MTERF3: variants seen among roughly 807,000 people sequenced by gnomAD.
The protein encoded by MTERF3 is transcription termination factor 3, mitochondrial.
In MTERF3, 40 loss-of-function variants were observed where a neutral mutation model predicts 40.5. The observed-to-expected ratio is 0.99, with a 90% CI of 0.77 to 1.29. The LOEUF (loss-of-function observed/expected upper bound fraction) is 1.29. MTERF3 is among the 50% of genes most tolerant of loss of function. The pLI is 0.00. For synonymous variants in MTERF3, 158 were observed against 166.6 expected (o/e 0.95, Z 0.40); for missense variants, 452 against 478.2 (o/e 0.95, Z 0.51).
chr8:96,256,828 T>C, intron 3 of MTERF3, 134 bp downstream of exon 3: 1 of 682,666 alleles, frequency 1.5e-6, no homozygotes, highest in Non-Finnish European at 2.1e-6. Context: ...GGTTTCTCAC[T>C]AGAAGCCTTT....
At chr8:96,251,165 A>C in intron 3 of MTERF3, 70 bp from the exon 4 acceptor site, 1 of 1,213,322 alleles carries the variant, frequency 8.2e-7, no homozygotes. Context: ...ATACATAAGC[A>C]CAAGAAATTA....
intron 1 of MTERF3, among the ~76,000 whole-genome samples, 172 bp downstream of exon 1, chr8:96,261,329 G>T (rs1165954497): frequency 6.6e-6 from 1 of 152,232 alleles, no homozygotes; most frequent in African/African-American, 2.4e-5. Flanking sequence ...GCATGGTTGA[G>T]TTTTCACTAC....
At chr8:96,239,795 A>G (rs1266819273) in intron 7 of MTERF3, 110 bp from the exon 8 acceptor site, 2 of 761,878 alleles carry the variant, frequency 2.6e-6, no homozygotes, top group Non-Finnish European at 4.5e-6. Flanking sequence ...AGTACTGACC[A>G]TGTGTTCAGT....
At chr8:96,241,540 G>A (rs551318058) in intron 7 of MTERF3, among the ~76,000 whole-genome samples, 6 of 152,194 alleles carry the variant, frequency 3.9e-5, no homozygotes, top group African/African-American at 1.4e-4. Context: ...CATTTATTTA[G>A]CTTATGAGCA....
At chr8:96,260,964 C>G (rs1389598740) in intron 1 of MTERF3, among the ~76,000 whole-genome samples, 1 of 152,190 alleles carries the variant, frequency 6.6e-6, no homozygotes, top group East Asian at 1.9e-4. Flanking sequence ...AGGGGATGTG[C>G]AGATGTGTAT....
At chr8:96,257,622 T>C (rs1210891248) in intron 2 of MTERF3, among the ~76,000 whole-genome samples, 1 of 152,218 alleles carries the variant, frequency 6.6e-6, no homozygotes, top group Non-Finnish European at 1.5e-5. Flanking sequence ...ACAGGAGATG[T>C]GACTCTCTAG....
chr8:96,247,654 A>G (rs935801842), intron 4 of MTERF3, among the ~76,000 whole-genome samples: 1 of 152,164 alleles, frequency 6.6e-6, no homozygotes, highest in Non-Finnish European at 1.5e-5. Flanking sequence ...TTTTTATACT[A>G]TATACCAAAA....
In MTERF3 at chr8:96,251,004, C is replaced by A. The variant is rs749577980; in HGVS notation, c.579G>T (p.Leu193=). The A allele has an allele frequency of 6.2e-7, 1 of 1,605,582 alleles. No individual in the cohort carries two copies. Among genetic ancestry groups the A allele is most frequent in the South Asian group, 1.1e-5 (1 of 88,692 alleles). Residue 193 remains leucine (L), a synonymous_variant, in exon 4 of 8, where the codon CTG becomes CTT. Transcript: ENST00000287025. ...CCTCTATACCCACATCTTTAAGAAACAGAAGCATTTGCTTAATGTCTTTTT... is the reference window on the plus strand; with the variant it reads ...CCTCTATACCCACATCTTTAAGAAAAAGAAGCATTTGCTTAATGTCTTTTT... ...DFEKDIKQML[L]FLKDVGIEDN...
rs1809877151 is a variant in MTERF3, at chr8:96,239,425, A to AT, written c.*65_*66insA. On this transcript the variant is annotated 3_prime_UTR_variant, in exon 8 of 8. Coordinates refer to ENST00000287025, the MANE Select transcript of MTERF3 (RefSeq NM_015942.5). ...TATCAGTTGAGACCCGAGGCATTTA[A>AT]AAATATATTCATTTATTCATATATA... 8.0e-7 allele frequency: 1 copy of AT among 1,248,306 alleles called. No homozygotes were observed. 77.3% of individuals were successfully genotyped at this position (1,248,306 alleles called of 1,614,324 possible).
chr8:96,249,372 T>C (rs906856679), intron 4 of MTERF3, among the ~76,000 whole-genome samples: 1 of 152,216 alleles, frequency 6.6e-6, no homozygotes, highest in African/African-American at 2.4e-5. Context: ...AGCTGGTTTT[T>C]GACTGCAGAG....
chr8:96,250,490 C>T (rs1042759856), intron 4 of MTERF3, among the ~76,000 whole-genome samples: 2 of 144,880 alleles, frequency 1.4e-5, no homozygotes, highest in Non-Finnish European at 1.5e-5. Context: ...ATGGGCAGAT[C>T]ACTTGAGGTC....
At chr8:96,253,074 T>C (rs1810215264) in intron 3 of MTERF3, among the ~76,000 whole-genome samples, 1 of 152,204 alleles carries the variant, frequency 6.6e-6, no homozygotes, top group Non-Finnish European at 1.5e-5. Context: ...CCTCATCAGT[T>C]CAGTAATTAC....
At chr8:96,255,847 T>C (rs1291279932) in intron 3 of MTERF3, among the ~76,000 whole-genome samples, 1 of 152,156 alleles carries the variant, frequency 6.6e-6, no homozygotes, top group Admixed American at 6.5e-5. Flanking sequence ...AACAGCCTTA[T>C]CGGAGAGGAG....
At chr8:96,250,266 CA>C (rs1173119083) in intron 4 of MTERF3, among the ~76,000 whole-genome samples, 10 of 148,900 alleles carry the variant, frequency 6.7e-5, no homozygotes, top group Non-Finnish European at 1.2e-4. Context: ...ACAAAAACTA[CA>C]AAAACCACAA....
In MTERF3 at chr8:96,239,509, T is replaced by C; in HGVS notation, c.1236A>G (p.Lys412=). The change falls in exon 8 of 8, where the codon AAA becomes AAG. Residue 412 remains lysine (K), a synonymous_variant. Coordinates refer to ENST00000287025, the MANE Select transcript of MTERF3 (RefSeq NM_015942.5). ...IAKASVQDFE[K]FLKTL The stretch of plus-strand genomic sequence containing the variant: ...TAAAAATCTAAAGCGTTTTTAAGAA[T>C]TTTTCAAAGTCCTGTACTGATGCTT... 1 of 1,594,958 alleles carries C rather than the reference T, an allele frequency of 6.3e-7. No individual in the cohort carries two copies. The highest frequency in any genetic ancestry group is 1.4e-5 in the African/African-American group (1 of 73,720).
At position 96,256,929 on chromosome 8, in the gene MTERF3, T is replaced by C. The variant is rs768303907; in HGVS notation, c.487+33A>G. ...AGTAAAAAAAGTAATGAAGAGTACA[T>C]GCAAAAAGTACTTGTAGTTTAGTCA... On this transcript the variant is annotated intron_variant, in intron 3 of 7. Coordinates refer to ENST00000287025, the MANE Select transcript of MTERF3 (RefSeq NM_015942.5). The C allele has an allele frequency of 1.0e-5, 16 of 1,573,596 alleles. No individual in the cohort carries two copies. In the East Asian group the frequency reaches 3.4e-4, roughly 33 times the overall value.
chr8:96,243,865 C>A, intron 7 of MTERF3, 54 bp downstream of exon 7: 1 of 1,576,668 alleles, frequency 6.3e-7, no homozygotes, highest in South Asian at 1.2e-5. Context: ...TGGAGAGCAG[C>A]TCCAAATGAA....
At chr8:96,257,702 A>G (rs902746099) in intron 2 of MTERF3, among the ~76,000 whole-genome samples, 3 of 152,150 alleles carry the variant, frequency 2.0e-5, no homozygotes, top group African/African-American at 7.2e-5. Flanking sequence ...ACTTAGAACT[A>G]CACATTACCT....
chr8:96,246,245 G>A (rs1486669027), intron 5 of MTERF3, 62 bp downstream of exon 5: 1 of 1,451,848 alleles, frequency 6.9e-7, no homozygotes, highest in Non-Finnish European at 9.2e-7. Context: ...GGGAACATGA[G>A]ATCTATCAGC....
Sources: allele counts gnomAD v4.1 joint callset (sites outside exome capture counted in the v4.1 genomes callset), GRCh38; gene constraint gnomAD v4.1.1; transcripts MANE v1.5; gene names NCBI Gene and HGNC (gene_info 2026-07-23, HGNC 2026-07-21).